The following SGCD variants were observed in gnomAD, a reference collection of about 807,000 sequenced individuals.
SGCD encodes sarcoglycan delta.
In SGCD, 18 loss-of-function variants were observed where a neutral mutation model predicts 36.6. The ratio of observed to expected loss-of-function variants is 0.49; its 90% CI spans 0.34 to 0.73. SGCD has a LOEUF of 0.73. SGCD is among the 30% of genes least tolerant of loss of function. The pLI, the probability that SGCD is intolerant of heterozygous loss-of-function variation, is 0.01. For missense variants in SGCD, 387 were observed against 346.7 expected (o/e 1.12, Z -0.92); for synonymous variants, 133 against 130.6 (o/e 1.02, Z -0.12).
intron 3 of SGCD, among the ~76,000 whole-genome samples, chr5:156,180,156 G>T (rs1171802842): frequency 6.6e-6 from 1 of 152,100 alleles, no homozygotes; most frequent in Non-Finnish European, 1.5e-5. Context: ...GAGCACAAAA[G>T]TATTTTCTAT....
At chr5:156,716,243 G>A (rs372806123) in intron 7 of SGCD, among the ~76,000 whole-genome samples, 55 of 152,192 alleles carry the variant, frequency 3.6e-4, no homozygotes, top group African/African-American at 1.1e-3. Context: ...TATCCATGAT[G>A]TGCTTACCCT....
intron 1 of SGCD, among the ~76,000 whole-genome samples, chr5:155,916,727 T>C (rs1038805917): frequency 1.3e-5 from 2 of 152,236 alleles, no homozygotes; most frequent in Non-Finnish European, 2.9e-5. Context: ...TTTACAGTCA[T>C]AGAATCTCAA....
chr5:156,547,521 C>T (rs1056977621), intron 4 of SGCD, among the ~76,000 whole-genome samples: 2 of 151,308 alleles, frequency 1.3e-5, no homozygotes, highest in East Asian at 1.9e-4. Flanking sequence ...CTGCTCACTG[C>T]GAGCTCCGCC....
chr5:156,619,761 T>C (rs1483899804), intron 6 of SGCD, among the ~76,000 whole-genome samples: 2 of 152,236 alleles, frequency 1.3e-5, no homozygotes, highest in Non-Finnish European at 2.9e-5. Flanking sequence ...AAATTAACTT[T>C]GTTCTCCTTT....
chr5:155,769,352 G>A, the SGCD span, among the ~76,000 whole-genome samples: 1 of 144,710 alleles, frequency 6.9e-6, no homozygotes, highest in Non-Finnish European at 1.5e-5. Flanking sequence ...ATGAATTTTA[G>A]ATTATTTTTA....
chr5:156,559,740 A>T lies in SGCD; in HGVS notation c.295-29491A>T, dbSNP rs544034711. On this transcript the variant is annotated intron_variant, in intron 4 of 8. Transcript: ENST00000337851. ...GTTAGGCAAGATACTGAATTTCTAA[A>T]CTTCTATAGGAGACAGGCTTACTAG... 1.2e-4 allele frequency among the ~76,000 whole-genome samples: 18 copies of T among 152,208 alleles called. No homozygotes were observed. The East Asian group carries it at 3.5e-3, about 30-fold the overall frequency.
intron 6 of SGCD, among the ~76,000 whole-genome samples, chr5:156,617,958 T>C (rs141437354): frequency 3.3e-4 from 51 of 152,340 alleles, no homozygotes; most frequent in African/African-American, 1.1e-3. Context: ...CCACGTGAAG[T>C]TGGCCACATT....
At chr5:156,347,678 T>A (rs1268750843) in intron 3 of SGCD, among the ~76,000 whole-genome samples, 1 of 152,216 alleles carries the variant, frequency 6.6e-6, no homozygotes. Context: ...GTCACAAATT[T>A]AATTTGTAGA....
chr5:156,239,420 A>AG (rs1358152042), intron 3 of SGCD, among the ~76,000 whole-genome samples: 41 of 150,776 alleles, frequency 2.7e-4, no homozygotes, highest in East Asian at 1.2e-3. Context: ...AAAAAAAAAA[A>AG]ATTAGATTTG....
chr5:156,679,092 T>C (rs1400941934), intron 7 of SGCD, among the ~76,000 whole-genome samples: 1 of 152,244 alleles, frequency 6.6e-6, no homozygotes, highest in Non-Finnish European at 1.5e-5. Context: ...GCTTTGTCCA[T>C]ATATTACTTG....
At chr5:155,985,116 A>G (rs1561672748) in intron 1 of SGCD, among the ~76,000 whole-genome samples, 1 of 152,206 alleles carries the variant, frequency 6.6e-6, no homozygotes, top group Non-Finnish European at 1.5e-5. Context: ...GTAACAAATT[A>G]CCGTACATTT....
chr5:156,694,719 C>T (rs1754240176), intron 7 of SGCD, among the ~76,000 whole-genome samples: 1 of 152,090 alleles, frequency 6.6e-6, no homozygotes, highest in African/African-American at 2.4e-5. Context: ...CATTATTCTC[C>T]TCCCCACTGC....
intron 3 of SGCD, among the ~76,000 whole-genome samples, chr5:156,199,105 C>T (rs1344017031): frequency 1.3e-5 from 2 of 152,054 alleles, no homozygotes; most frequent in African/African-American, 4.8e-5. Context: ...ACCTTCGCAC[C>T]TCAGTGAAGA....
chr5:155,961,950 C>A (rs1430108664), intron 1 of SGCD, among the ~76,000 whole-genome samples: 2 of 152,056 alleles, frequency 1.3e-5, no homozygotes, highest in Non-Finnish European at 1.5e-5. Flanking sequence ...CAAATAATTA[C>A]GGTCTGAAGA....
intron 4 of SGCD, among the ~76,000 whole-genome samples, chr5:156,587,001 A>C (rs1760522536): frequency 6.6e-6 from 1 of 152,212 alleles, no homozygotes; most frequent in Non-Finnish European, 1.5e-5. Flanking sequence ...GAAACTAAAC[A>C]GAAACTAAAA....
At chr5:155,820,640 T>C in the SGCD span, among the ~76,000 whole-genome samples, 3 of 152,150 alleles carry the variant, frequency 2.0e-5, no homozygotes, top group African/African-American at 7.2e-5. Flanking sequence ...AAGGCGGCAG[T>C]GAGCTGTGAT....
At chr5:156,048,900 A>G (rs1403928531) in intron 1 of SGCD, among the ~76,000 whole-genome samples, 1 of 152,004 alleles carries the variant, frequency 6.6e-6, no homozygotes, top group Admixed American at 6.6e-5. Context: ...GTCCCTGCCC[A>G]TGCCTATGTC....
At chr5:156,252,546 G>A (rs1202209398) in intron 3 of SGCD, among the ~76,000 whole-genome samples, 6 of 152,142 alleles carry the variant, frequency 3.9e-5, no homozygotes, top group Non-Finnish European at 8.8e-5. Flanking sequence ...AATTATATAT[G>A]TTGGCAAATG....
the SGCD span, among the ~76,000 whole-genome samples, chr5:155,761,422 TATCACCCTCTCCATCATCCTCACC>T: frequency 3.4e-4 from 16 of 46,668 alleles, 1 homozygote; most frequent in South Asian, 8.2e-4. Flanking sequence ...TCATCCTCTC[TATCACCCTCTCCATCATCCTCACC>T]ATCACCCTCT....
Sources: gnomAD v4.1 joint callset for allele counts (sites outside exome capture counted in the v4.1 genomes callset) on GRCh38, gnomAD v4.1.1 for gene constraint, MANE v1.5 for transcripts, NCBI Gene and HGNC (gene_info 2026-07-23, HGNC 2026-07-21) for gene names.